ULK4: variants seen among roughly 807,000 people sequenced by gnomAD.
The protein encoded by ULK4 is inactive serine/threonine-protein kinase ULK4.
ULK4 carries 133 observed loss-of-function variants against 160.6 expected under a neutral mutation model. The observed-to-expected ratio is 0.83, with a 90% CI of 0.72 to 0.96. The LOEUF is 0.96. ULK4 is among the 40% of genes least tolerant of loss of function. The pLI is 0.00. For missense variants in ULK4, 1,580 were observed against 1,499.5 expected, an observed-to-expected ratio of 1.05 and a Z score of -0.89; for synonymous variants, 534 against 539.8, an observed-to-expected ratio of 0.99 and a Z score of 0.15.
chr3:41,657,834 A>AAAAC lies in ULK4; in HGVS notation c.3071+5772_3071+5773insGTTT, dbSNP rs1553628520. Among the ~76,000 whole-genome samples, 48 of 150,070 alleles carry AAAAC rather than the reference A, an allele frequency of 3.2e-4. 1 individual carries two copies. Among genetic ancestry groups the AAAAC allele is most frequent in the African/African-American group, 9.7e-4 (39 of 40,316 alleles). On this transcript the variant is annotated intron_variant, in intron 30 of 36. Coordinates refer to ENST00000301831, the MANE Select transcript of ULK4 (RefSeq NM_017886.4). ...CCATCTCATTAAAAAAAAAAAAAAAAACACACACCACTGATACCAAATAAC... is the reference window on the plus strand; with the variant it reads ...CCATCTCATTAAAAAAAAAAAAAAAAAAACACACACACCACTGATACCAAATAAC...
chr3:41,646,916 T>G (rs972261488), intron 30 of ULK4, among the ~76,000 whole-genome samples: 20 of 152,218 alleles, frequency 1.3e-4, no homozygotes, highest in African/African-American at 4.6e-4. Flanking sequence ...TTCTCTAAAC[T>G]TCCCTTCTCG....
intron 30 of ULK4, among the ~76,000 whole-genome samples, chr3:41,644,784 G>A (rs567047419): frequency 1.6e-3 from 244 of 148,968 alleles, no homozygotes; most frequent in African/African-American, 5.6e-3. Context: ...GTTCCTCCTT[G>A]TACCTCTGGT....
At chr3:41,314,399 C>T in intron 35 of ULK4, among the ~76,000 whole-genome samples, 1 of 151,974 alleles carries the variant, frequency 6.6e-6, no homozygotes, top group African/African-American at 2.4e-5. Context: ...GTCTATTATT[C>T]CCCTCTGTAT....
At chr3:41,781,074 A>G (rs1202888678) in intron 21 of ULK4, among the ~76,000 whole-genome samples, 1 of 152,120 alleles carries the variant, frequency 6.6e-6, no homozygotes, top group East Asian at 1.9e-4. Context: ...CATACATAAA[A>G]ATATATTTTT....
chr3:41,460,546 G>C (rs2083658820), intron 33 of ULK4, among the ~76,000 whole-genome samples: 1 of 152,116 alleles, frequency 6.6e-6, no homozygotes, highest in Non-Finnish European at 1.5e-5. Context: ...TGAAATTACA[G>C]GTGCCTAGCC....
chr3:41,918,397 A>G (rs1699046642), intron 7 of ULK4, 60 bp downstream of exon 7: 2 of 1,144,726 alleles, frequency 1.7e-6, no homozygotes, highest in Admixed American at 2.7e-5. Context: ...CGTTGGATAA[A>G]GGTACACCTT....
At chr3:41,816,114 A>G (rs754063850) in intron 19 of ULK4, among the ~76,000 whole-genome samples, 46 of 151,892 alleles carry the variant, frequency 3.0e-4, no homozygotes, top group Non-Finnish European at 6.0e-4. Flanking sequence ...ACACACACAG[A>G]GTCTTATATA....
intron 25 of ULK4, among the ~76,000 whole-genome samples, chr3:41,706,815 G>A (rs574548845): frequency 1.5e-4 from 21 of 136,108 alleles, no homozygotes; most frequent in African/African-American, 3.4e-4. Context: ...CCGACAGAGC[G>A]AGACTCTGTC....
intron 31 of ULK4, among the ~76,000 whole-genome samples, chr3:41,575,446 T>G (rs1559407305): frequency 6.6e-6 from 1 of 152,104 alleles, no homozygotes; most frequent in Non-Finnish European, 1.5e-5. Context: ...AGCATGTTTT[T>G]CTCCCCTCGG....
intron 31 of ULK4, among the ~76,000 whole-genome samples, chr3:41,587,473 C>T (rs1342898728): frequency 6.6e-6 from 1 of 152,068 alleles, no homozygotes. Flanking sequence ...ATTCTGACTG[C>T]CAGACTGATA....
chr3:41,841,026 C>A (rs2041905171), intron 17 of ULK4, among the ~76,000 whole-genome samples: 1 of 149,880 alleles, frequency 6.7e-6, no homozygotes, highest in African/African-American at 2.5e-5. Context: ...GCCCGGCCGC[C>A]CCGTCTGGGA....
intron 35 of ULK4, among the ~76,000 whole-genome samples, chr3:41,288,038 G>A (rs1402214182): frequency 6.6e-6 from 1 of 152,112 alleles, no homozygotes; most frequent in South Asian, 2.1e-4. Context: ...TGAGTCTGAG[G>A]CAAGTATGAA....
At chr3:41,936,235 G>GT (rs1699772381) in intron 3 of ULK4, among the ~76,000 whole-genome samples, 1 of 152,162 alleles carries the variant, frequency 6.6e-6, no homozygotes, top group African/African-American at 2.4e-5. Flanking sequence ...AATACTAATG[G>GT]TAAATACCCC....
rs748796559 is a variant in ULK4 at position 41,705,296 on chromosome 3, T to G, written c.2644A>C (p.Lys882Gln). The G allele has an allele frequency of 6.2e-7, 1 of 1,609,562 alleles. No homozygotes were observed. The highest frequency in any genetic ancestry group is 2.2e-5 in the East Asian group (1 of 44,820). The change falls in exon 26 of 37, where the codon AAA (lysine) becomes CAA (glutamine). Residue 882 changes from lysine to glutamine, a missense_variant. Physicochemically the swap from Lys to Gln is moderately conservative, Grantham distance 53. Coordinates refer to ENST00000301831, the MANE Select transcript of ULK4 (RefSeq NM_017886.4). ...FSYGTILSHI[K>Q]SVDSGETNID... Reference sequence around the variant, plus strand: ...TTCGTTTCTCCTGAGTCTACAGATTTAATATGACTCTGAAAAAAAATAAAT... The same window carrying G: ...TTCGTTTCTCCTGAGTCTACAGATTGAATATGACTCTGAAAAAAAATAAAT...
At chr3:41,348,232 A>AAAAAT (rs2080842308) in intron 35 of ULK4, among the ~76,000 whole-genome samples, 1 of 146,350 alleles carries the variant, frequency 6.8e-6, no homozygotes, top group African/African-American at 2.6e-5. Flanking sequence ...AAAAAAAAAA[A>AAAAAT]GTACATGGAC....
intron 35 of ULK4, among the ~76,000 whole-genome samples, chr3:41,282,279 C>T (rs1291972628): frequency 6.6e-6 from 1 of 152,164 alleles, no homozygotes; most frequent in Admixed American, 6.6e-5. Context: ...AGACTTTCTT[C>T]ACAGAATTGG....
chr3:41,416,254 G>C (rs1414013788), intron 34 of ULK4, among the ~76,000 whole-genome samples: 1 of 152,082 alleles, frequency 6.6e-6, no homozygotes, highest in Non-Finnish European at 1.5e-5. Context: ...TATTTTTAAA[G>C]ATTTAATATC....
At chr3:41,474,010 G>A (rs2084067943) in intron 32 of ULK4, among the ~76,000 whole-genome samples, 1 of 151,996 alleles carries the variant, frequency 6.6e-6, no homozygotes, top group African/African-American at 2.4e-5. Context: ...AAATTCAAAT[G>A]GAACCACAAA....
At chr3:41,634,583 T>C (rs2033877089) in intron 30 of ULK4, among the ~76,000 whole-genome samples, 1 of 152,188 alleles carries the variant, frequency 6.6e-6, no homozygotes, top group Non-Finnish European at 1.5e-5. Flanking sequence ...CAGGCAAATG[T>C]CTGCATGGTC....
Sources: gnomAD v4.1 joint callset for allele counts (sites outside exome capture counted in the v4.1 genomes callset) on GRCh38, gnomAD v4.1.1 for gene constraint, MANE v1.5 for transcripts, NCBI Gene and HGNC (gene_info 2026-07-23, HGNC 2026-07-21) for gene names.